Variants in DOCK4 observed in about 807,000 individuals in gnomAD.
The protein encoded by DOCK4 is dedicator of cytokinesis protein 4.
Under a neutral mutation model 268.1 loss-of-function variants are expected in DOCK4, and 97 were observed. That is an observed-to-expected ratio of 0.36 (90% CI 0.31 to 0.43). The LOEUF (loss-of-function observed/expected upper bound fraction) is 0.43. Ranked by LOEUF, DOCK4 falls within the 20% of genes least tolerant of loss-of-function variation. The pLI, the probability that DOCK4 is intolerant of heterozygous loss-of-function variation, is 1.00. For missense variants in DOCK4, 2,145 were observed against 2,455.7 expected, an observed-to-expected ratio of 0.87 and a Z score of 2.67; for synonymous variants, 954 against 887.2, an observed-to-expected ratio of 1.08 and a Z score of -1.34.
At position 111,834,653 on chromosome 7, in the gene DOCK4, G is replaced by A. The variant is rs1803094081; in HGVS notation, c.2770C>T (p.Arg924Ter). 5 of 1,551,164 alleles carry A rather than the reference G, an allele frequency of 3.2e-6. No homozygotes were observed. Among genetic ancestry groups the A allele is most frequent in the Non-Finnish European group, 4.4e-6 (5 of 1,147,610 alleles). ...TGATAATGTCTATCTGTCATTTGTC[G>A]TAATAGGGACAGGAGACAAGCAACA... ...EFVACLLSLLRQMTDRHYQQL... is the reference protein window; with the variant it reads ...EFVACLLSLL The change falls in exon 26 of 53, where the codon CGA becomes TGA. Residue 924 changes from arginine to a stop codon, truncating the protein, a stop_gained. Coordinates refer to ENST00000428084, the MANE Select transcript of DOCK4 (RefSeq NM_001363540.2). LOFTEE classifies it high-confidence loss of function.
intron 8 of DOCK4, among the ~76,000 whole-genome samples, chr7:111,962,284 G>A (rs552421079): frequency 3.9e-5 from 6 of 152,290 alleles, no homozygotes; most frequent in South Asian, 2.1e-4. Flanking sequence ...GTTAGGTTAG[G>A]TGTATTTCCT....
chr7:112,004,371 A>G (rs564595018), intron 1 of DOCK4, among the ~76,000 whole-genome samples: 1 of 152,320 alleles, frequency 6.6e-6, no homozygotes, highest in South Asian at 2.1e-4. Context: ...ATAATACACA[A>G]TATATCAATG....
intron 1 of DOCK4, among the ~76,000 whole-genome samples, chr7:112,108,061 T>C (rs1217180963): frequency 2.0e-5 from 3 of 152,218 alleles, no homozygotes; most frequent in Non-Finnish European, 2.9e-5. Context: ...TAAAGTTTCT[T>C]AGTTTTCCTA....
chr7:112,041,225 G>A (rs1326976420), intron 1 of DOCK4, among the ~76,000 whole-genome samples: 3 of 152,166 alleles, frequency 2.0e-5, no homozygotes, highest in Non-Finnish European at 4.4e-5. Flanking sequence ...TTTCAGAAGA[G>A]GTGAGACCCT....
intron 1 of DOCK4, among the ~76,000 whole-genome samples, chr7:112,161,210 C>G (rs1817090923): frequency 1.3e-5 from 2 of 151,934 alleles, no homozygotes. Flanking sequence ...CTATATAAGT[C>G]CAATATAAAA....
rs1345643097 is a variant in DOCK4, at chr7:111,900,492, G to A, written c.1362C>T (p.Tyr454=). Residue 454 remains tyrosine (Y), a synonymous_variant, in exon 15 of 53, where the codon TAC becomes TAT. Coordinates refer to ENST00000428084, the MANE Select transcript of DOCK4 (RefSeq NM_001363540.2). The stretch of plus-strand genomic sequence containing the variant: ...TGTTATGGTAAAGCACAAAGGAGTG[G>A]TACTCACTGGCTGGTGGCTCCCCAG... ...FGSGEPPASE[Y]HSFVLYHNNS... is the part of the protein sequence containing the mutation. 1 of 1,612,826 alleles carries A rather than the reference G, an allele frequency of 6.2e-7. No individual in the cohort carries two copies. The highest frequency in any genetic ancestry group is 8.5e-7 in the Non-Finnish European group (1 of 1,179,476).
At chr7:111,972,983 A>G (rs1408029188) in intron 8 of DOCK4, among the ~76,000 whole-genome samples, 1 of 151,710 alleles carries the variant, frequency 6.6e-6, no homozygotes, top group Non-Finnish European at 1.5e-5. Context: ...CTATCGTATC[A>G]TTCCTATGCC....
chr7:112,153,754 A>G (rs1407185312), intron 1 of DOCK4, among the ~76,000 whole-genome samples: 1 of 152,184 alleles, frequency 6.6e-6, no homozygotes, highest in Admixed American at 6.5e-5. Flanking sequence ...TGTGAAGGAC[A>G]CATTGTCCCA....
chr7:111,739,449 G>T lies in DOCK4; in HGVS notation c.5069C>A (p.Ser1690Tyr). 1 of 1,573,300 alleles carries T rather than the reference G, an allele frequency of 6.4e-7. No individual in the cohort carries two copies. The highest frequency in any genetic ancestry group is 8.6e-7 in the Non-Finnish European group (1 of 1,159,342). ...CACATTAGGTGAAGCCGAGTGAGTA[G>T]AACTCAAGCTTGAGGTAGATGGACT... is the stretch of plus-strand genomic sequence containing the variant. ...QPSPSTSSLS[S>Y]THSASPNVTS... is the part of the protein sequence containing the mutation. Residue 1690 changes from serine (S) to tyrosine (Y), a missense_variant, in exon 48 of 53, where the codon TCT (serine) becomes TAT (tyrosine). Physicochemically the swap from Ser to Tyr is moderately radical, Grantham distance 144. Transcript: ENST00000428084.
At chr7:112,127,600 T>C (rs1008769106) in intron 1 of DOCK4, among the ~76,000 whole-genome samples, 4 of 152,082 alleles carry the variant, frequency 2.6e-5, no homozygotes, top group African/African-American at 9.7e-5. Context: ...AGAACATTCA[T>C]AGAATTTGCT....
chr7:112,127,854 C>A (rs1321028009), intron 1 of DOCK4, among the ~76,000 whole-genome samples: 1 of 152,076 alleles, frequency 6.6e-6, no homozygotes, highest in Non-Finnish European at 1.5e-5. Context: ...CAGGGTAAAA[C>A]CCCATCTCTA....
chr7:112,061,739 T>TCACACA (rs61696712), intron 1 of DOCK4, among the ~76,000 whole-genome samples: 9,509 of 137,140 alleles, frequency 0.069, 424 homozygotes, highest in African/African-American at 0.11. Flanking sequence ...ATTAACAATG[T>TCACACA]CACACACACA....
At chr7:112,140,697 A>T (rs1375603424) in intron 1 of DOCK4, among the ~76,000 whole-genome samples, 3 of 151,894 alleles carry the variant, frequency 2.0e-5, no homozygotes, top group Non-Finnish European at 4.4e-5. Flanking sequence ...ACACGGAAGA[A>T]TTTTTTTTCC....
rs753846295 is a variant in DOCK4 at position 111,988,967 on chromosome 7, C to T, written c.464+48G>A. The T allele has an allele frequency of 8.9e-6, 14 of 1,566,558 alleles. No individual in the cohort carries two copies. The Admixed American group carries it at 1.1e-4, about 13-fold the overall frequency. On this transcript the variant is annotated intron_variant, in intron 6 of 52. Transcript: ENST00000428084. ...GTTCTGGCTCAGGCCTATGTCACTT[C>T]CATTGTGTTCACCTACTAGAGGCCG...
chr7:112,182,939 G>A (rs1182240199), intron 1 of DOCK4, among the ~76,000 whole-genome samples: 1 of 152,202 alleles, frequency 6.6e-6, no homozygotes, highest in African/African-American at 2.4e-5. Context: ...CAGCTGGCTG[G>A]GCCCAGTGGA....
rs368711541 is a variant in DOCK4, at chr7:111,760,200, G to A, written c.4143C>T (p.Ile1381=). ...GGATACACTGAGCTTCTGCCTGGAAGATGGTCTCATCGGGCTGGTTGGCGT... is the reference window on the plus strand; with the variant it reads ...GGATACACTGAGCTTCTGCCTGGAAAATGGTCTCATCGGGCTGGTTGGCGT... ...MQHANQPDET[I]FQAEAQYLQI... is the part of the protein sequence containing the mutation. The change falls in exon 40 of 53, where the codon ATC becomes ATT. Residue 1381 remains isoleucine (I), a synonymous_variant. Transcript: ENST00000428084. 1.2e-6 allele frequency: 2 copies of A among 1,613,874 alleles called. No homozygotes were observed. Among genetic ancestry groups the A allele is most frequent in the African/African-American group, 2.7e-5 (2 of 74,932 alleles).
At chr7:111,944,641 G>C (rs1275941231) in intron 10 of DOCK4, among the ~76,000 whole-genome samples, 170 bp downstream of exon 10, 1 of 152,126 alleles carries the variant, frequency 6.6e-6, no homozygotes, top group East Asian at 1.9e-4. Flanking sequence ...GGTCATATGT[G>C]GGGTTGGGAA....
chr7:112,056,768 A>AT lies in DOCK4; in HGVS notation c.38-52638dup, dbSNP rs748247135. ...GCATGTGCAAACAAAAACTAGTAAA[A>AT]TGGACACTTCTGTGGTTTTACTTTA... is the stretch of plus-strand genomic sequence containing the variant. On this transcript the variant is annotated intron_variant, in intron 1 of 52. Transcript: ENST00000428084. Among the ~76,000 whole-genome samples the AT allele has an allele frequency of 1.9e-4, 29 of 152,312 alleles. No individual in the cohort carries two copies. In the East Asian group the frequency reaches 5.2e-3, roughly 27 times the overall value.
intron 8 of DOCK4, among the ~76,000 whole-genome samples, chr7:111,961,406 T>C (rs1796882903): frequency 6.6e-6 from 1 of 152,180 alleles, no homozygotes; most frequent in South Asian, 2.1e-4. Context: ...CACACAACAC[T>C]TCACTTACTC....
Sources: gnomAD v4.1 joint callset for allele counts (sites outside exome capture counted in the v4.1 genomes callset) on GRCh38, gnomAD v4.1.1 for gene constraint, MANE v1.5 for transcripts, NCBI Gene and HGNC (gene_info 2026-07-23, HGNC 2026-07-21) for gene names.